ADGRL2: variants seen among roughly 807,000 people sequenced by gnomAD.
ADGRL2 encodes calcium-independent alpha-latrotoxin receptor 2.
ADGRL2 carries 44 observed loss-of-function variants against 157.4 expected under a neutral mutation model. The ratio of observed to expected loss-of-function variants is 0.28; its 90% CI spans 0.22 to 0.36. The LOEUF (loss-of-function observed/expected upper bound fraction) is 0.36. Ranked by LOEUF, ADGRL2 falls within the 10% of genes least tolerant of loss-of-function variation. The pLI, the probability that ADGRL2 is intolerant of heterozygous loss-of-function variation, is 1.00. For missense variants in ADGRL2, 1,510 were observed against 1,768.9 expected (o/e 0.85, Z 2.63); for synonymous variants, 585 against 624.7 (o/e 0.94, Z 0.95).
intron 3 of ADGRL2, among the ~76,000 whole-genome samples, chr1:81,932,703 CT>C (rs201658102): frequency 6.6e-6 from 1 of 150,796 alleles, no homozygotes; most frequent in Non-Finnish European, 1.5e-5. Flanking sequence ...TCTTTTCTTT[CT>C]TTTTTTTTGA....
At chr1:81,478,723 G>A (rs777972065) in intron 2 of ADGRL2, among the ~76,000 whole-genome samples, 8 of 152,084 alleles carry the variant, frequency 5.3e-5, no homozygotes, top group Non-Finnish European at 8.8e-5. Flanking sequence ...TCGCTACACT[G>A]CCTCACGATT....
intron 1 of ADGRL2, among the ~76,000 whole-genome samples, chr1:81,340,474 G>A (rs756301305): frequency 6.6e-6 from 1 of 152,018 alleles, no homozygotes; most frequent in Non-Finnish European, 1.5e-5. Context: ...CATCTGATTG[G>A]ACTTTCCATG....
At chr1:81,796,910 G>A (rs1050313660), upstream of ADGRL2, among the ~76,000 whole-genome samples, 3 of 152,124 alleles carry the variant, frequency 2.0e-5, no homozygotes, top group Admixed American at 6.5e-5. Context: ...TATAGAGCAG[G>A]GAGAATAGCT....
chr1:81,402,401 C>G (rs2076772761), intron 1 of ADGRL2, among the ~76,000 whole-genome samples: 1 of 152,114 alleles, frequency 6.6e-6, no homozygotes, highest in Non-Finnish European at 1.5e-5. Context: ...TTCCTGCACC[C>G]AGGGTCACTG....
At chr1:81,621,849 C>G (rs1439920206) in intron 3 of ADGRL2, among the ~76,000 whole-genome samples, 1 of 137,526 alleles carries the variant, frequency 7.3e-6, no homozygotes, top group East Asian at 2.3e-4. Flanking sequence ...AATGGAGGGG[C>G]AAAGTCATGC....
intron 10 of ADGRL2, among the ~76,000 whole-genome samples, chr1:81,955,231 G>C (rs1280344411): frequency 2.6e-5 from 4 of 152,052 alleles, no homozygotes; most frequent in South Asian, 2.1e-4. Flanking sequence ...TTTAAAAGCA[G>C]ATCATTGTTG....
At chr1:81,437,267 A>C (rs1167005805) in intron 1 of ADGRL2, among the ~76,000 whole-genome samples, 1 of 151,580 alleles carries the variant, frequency 6.6e-6, no homozygotes, top group African/African-American at 2.4e-5. Context: ...AAGAGAACTA[A>C]TTTTTCTCTA....
chr1:81,728,516 T>C (rs1325543061), intron 1 of ADGRL2, among the ~76,000 whole-genome samples: 1 of 152,200 alleles, frequency 6.6e-6, no homozygotes, highest in Non-Finnish European at 1.5e-5. Flanking sequence ...TGCAGAACTT[T>C]TTTTCTTCAT....
At chr1:81,755,417 A>C (rs1446901977) in intron 1 of ADGRL2, among the ~76,000 whole-genome samples, 2 of 152,004 alleles carry the variant, frequency 1.3e-5, no homozygotes, top group East Asian at 3.9e-4. Context: ...CATAATTATA[A>C]TTTTATACTA....
At position 81,907,000 on chromosome 1, in the gene ADGRL2, T is replaced by G. The variant is rs1327875303; in HGVS notation, c.74-17T>G. 1 of 1,595,460 alleles carries G rather than the reference T, an allele frequency of 6.3e-7. No individual in the cohort carries two copies. Among genetic ancestry groups the G allele is most frequent in the Non-Finnish European group, 8.6e-7 (1 of 1,164,802 alleles). ...TAAATGAGTTACAGTTTAATTTTCT[T>G]TCTTTTTTATTTTAAGGTTTCAGCA... On this transcript the variant is annotated splice_polypyrimidine_tract_variant and intron_variant, in intron 2 of 23. Coordinates refer to ENST00000686636, the MANE Select transcript of ADGRL2 (RefSeq NM_001366006.2).
chr1:81,471,651 TAAGCCTG>T lies in ADGRL2; in HGVS notation c.-248+26565_-248+26571del, dbSNP rs2078175236. On this transcript the variant is annotated intron_variant, in intron 2 of 24. Coordinates refer to the ADGRL2 transcript ENST00000370721. ...AACAGTTGTTGAATAGAAACAGTTT[TAAGCCTG>T]AATCGAATTAAAATTGTGAAGAAAA... Among the ~76,000 whole-genome samples the T allele has an allele frequency of 6.6e-5, 10 of 152,352 alleles. No homozygotes were observed. In the South Asian group the frequency reaches 2.1e-3, roughly 32 times the overall value.
intron 1 of ADGRL2, among the ~76,000 whole-genome samples, chr1:81,737,271 C>T (rs1465230664): frequency 6.6e-6 from 1 of 152,220 alleles, no homozygotes; most frequent in Non-Finnish European, 1.5e-5. Context: ...ACTCACAGTT[C>T]TGCAGGGAGC....
intron 2 of ADGRL2, among the ~76,000 whole-genome samples, chr1:81,900,053 A>C (rs2094459289): frequency 6.6e-6 from 1 of 152,132 alleles, no homozygotes; most frequent in Non-Finnish European, 1.5e-5. Context: ...TTTTTATTGG[A>C]TATAACTGTA....
At chr1:81,571,773 T>G (rs188376061) in intron 2 of ADGRL2, among the ~76,000 whole-genome samples, 110 of 152,346 alleles carry the variant, frequency 7.2e-4, no homozygotes, top group Non-Finnish European at 1.3e-3. Context: ...ATTCTGTCTG[T>G]ATTATGAATA....
intron 2 of ADGRL2, among the ~76,000 whole-genome samples, chr1:81,532,284 A>G (rs1389856557): frequency 6.6e-6 from 1 of 152,152 alleles, no homozygotes. Flanking sequence ...ATAAACCCTC[A>G]GAGCCCCAAT....
chr1:81,355,832 C>T (rs986460913), intron 1 of ADGRL2, among the ~76,000 whole-genome samples: 3 of 152,184 alleles, frequency 2.0e-5, no homozygotes, highest in African/African-American at 4.8e-5. Flanking sequence ...CAGACCTGAC[C>T]TTATCTCTGT....
At chr1:81,570,743 A>T (rs2148494506) in intron 2 of ADGRL2, among the ~76,000 whole-genome samples, 1 of 152,288 alleles carries the variant, frequency 6.6e-6, no homozygotes, top group South Asian at 2.1e-4. Context: ...CTCATATTCA[A>T]ATATAGAAAC....
intron 2 of ADGRL2, among the ~76,000 whole-genome samples, chr1:81,865,175 A>G (rs559654413): frequency 1.3e-5 from 2 of 152,284 alleles, no homozygotes; most frequent in East Asian, 1.9e-4. Flanking sequence ...GGTTTCTTCT[A>G]CATTCCCAAA....
At chr1:81,473,452 T>C (rs180998421) in intron 2 of ADGRL2, among the ~76,000 whole-genome samples, 5 of 152,326 alleles carry the variant, frequency 3.3e-5, no homozygotes, top group African/African-American at 1.2e-4. Flanking sequence ...TTAATACTTG[T>C]TGCATGTTGA....
Sources: gnomAD v4.1 joint callset for allele counts (sites outside exome capture counted in the v4.1 genomes callset) on GRCh38, gnomAD v4.1.1 for gene constraint, MANE v1.5 for transcripts, NCBI Gene and HGNC (gene_info 2026-07-23, HGNC 2026-07-21) for gene names.